Variants in CCDC91 observed in about 807,000 individuals in gnomAD.
CCDC91 encodes the protein coiled-coil domain containing 91.
In CCDC91, 48 loss-of-function variants were observed where a neutral mutation model predicts 63.2. The ratio of observed to expected loss-of-function variants is 0.76; its 90% CI spans 0.60 to 0.97. The LOEUF (loss-of-function observed/expected upper bound fraction) is 0.97, where lower values mean the gene tolerates loss of function less well. Ranked by LOEUF, CCDC91 falls within the 50% of genes least tolerant of loss-of-function variation. CCDC91 has a pLI of 0.00. For missense variants in CCDC91, 500 were observed against 494.6 expected, an observed-to-expected ratio of 1.01 and a Z score of -0.10; for synonymous variants, 167 against 165.8, an observed-to-expected ratio of 1.01 and a Z score of -0.06.
At chr12:28,337,194 A>G (rs536720447) in intron 6 of CCDC91, among the ~76,000 whole-genome samples, 4 of 152,240 alleles carry the variant, frequency 2.6e-5, no homozygotes, top group African/African-American at 9.6e-5. Flanking sequence ...TGTTCCTAGG[A>G]GATAAGTTAT....
At chr12:28,374,634 AATCATGTG>A (rs1488500232) in intron 7 of CCDC91, among the ~76,000 whole-genome samples, 1 of 152,154 alleles carries the variant, frequency 6.6e-6, no homozygotes, top group Non-Finnish European at 1.5e-5. Flanking sequence ...AAAGCTCCCA[AATCATGTG>A]ATCAGCTGTT....
chr12:28,390,035 C>G (rs184051167), intron 7 of CCDC91, among the ~76,000 whole-genome samples: 324 of 152,178 alleles, frequency 2.1e-3, no homozygotes, highest in Non-Finnish European at 3.5e-3. Context: ...TGATAAAACT[C>G]AGAGCTTTAT....
chr12:28,407,330 G>C (rs769354434), intron 8 of CCDC91, among the ~76,000 whole-genome samples: 3 of 152,108 alleles, frequency 2.0e-5, no homozygotes, highest in African/African-American at 7.2e-5. Flanking sequence ...AAAATCAATC[G>C]ACCATATATA....
intron 12 of CCDC91, among the ~76,000 whole-genome samples, chr12:28,514,476 TTTTG>T (rs947904320): frequency 6.6e-6 from 1 of 151,622 alleles, no homozygotes; most frequent in African/African-American, 2.4e-5. Context: ...TTGTTTTTTG[TTTTG>T]TTTTAGTTTA....
chr12:28,371,859 T>C (rs963913219), intron 7 of CCDC91, among the ~76,000 whole-genome samples: 3 of 152,234 alleles, frequency 2.0e-5, no homozygotes, highest in East Asian at 1.9e-4. Flanking sequence ...TCACTACCTT[T>C]ACTGGCATGC....
chr12:28,396,050 A>G lies in CCDC91; in HGVS notation c.762+4639A>G, dbSNP rs142747217. Among the ~76,000 whole-genome samples the G allele has an allele frequency of 4.2e-3, 643 of 152,272 alleles. 4 individuals carry two copies. The highest frequency in any genetic ancestry group is 0.021 in the South Asian group (99 of 4,822). ...ACAGATGATATAATTTTAAAATCATATAAGTTAGGATGGAATAAATAGTAA... is the reference window on the plus strand; with the variant it reads ...ACAGATGATATAATTTTAAAATCATGTAAGTTAGGATGGAATAAATAGTAA... On this transcript the variant is annotated intron_variant, in intron 8 of 12. Transcript: ENST00000536442.
chr12:28,359,249 A>G (rs1404970622), intron 6 of CCDC91, among the ~76,000 whole-genome samples: 2 of 152,238 alleles, frequency 1.3e-5, no homozygotes, highest in Non-Finnish European at 2.9e-5. Flanking sequence ...TCGATATTGA[A>G]TGATTACACT....
At chr12:28,305,353 A>C (rs1451146342) in intron 3 of CCDC91, among the ~76,000 whole-genome samples, 8 of 152,062 alleles carry the variant, frequency 5.3e-5, no homozygotes. Context: ...TCTATGTTGG[A>C]AATGTACTCC....
At chr12:28,304,886 C>A (rs913318940) in intron 3 of CCDC91, among the ~76,000 whole-genome samples, 1 of 152,014 alleles carries the variant, frequency 6.6e-6, no homozygotes, top group Non-Finnish European at 1.5e-5. Flanking sequence ...TACTTTTGTC[C>A]TATGTCATAC....
chr12:28,192,530 A>T (rs937940198), intron 1 of CCDC91, among the ~76,000 whole-genome samples: 6 of 152,180 alleles, frequency 3.9e-5, no homozygotes, highest in African/African-American at 1.4e-4. Context: ...TTCTGTCCAA[A>T]CAATGAGAAC....
intron 7 of CCDC91, among the ~76,000 whole-genome samples, chr12:28,364,410 C>G: frequency 6.6e-6 from 1 of 151,958 alleles, no homozygotes; most frequent in Middle Eastern, 3.2e-3. Context: ...AAACAAAAAA[C>G]AAAGTCTGAT....
chr12:28,254,263 T>C (rs1946299567), intron 1 of CCDC91, among the ~76,000 whole-genome samples: 3 of 152,206 alleles, frequency 2.0e-5, no homozygotes, highest in Admixed American at 2.0e-4. Context: ...TAATGAAGTA[T>C]ACACCTGTCT....
chr12:28,260,210 A>G (rs1359719175), intron 3 of CCDC91, among the ~76,000 whole-genome samples: 5 of 152,008 alleles, frequency 3.3e-5, no homozygotes, highest in Non-Finnish European at 7.4e-5. Flanking sequence ...GGGAAGAATG[A>G]TGATTTTATC....
chr12:28,197,211 C>A (rs11049442), intron 1 of CCDC91, among the ~76,000 whole-genome samples: 39,654 of 151,770 alleles, frequency 0.26, 5,442 homozygotes, highest in Non-Finnish European at 0.31. Flanking sequence ...GTATCATTGG[C>A]TTTTTGGGCA....
chr12:28,511,047 A>G (rs1258434305), intron 12 of CCDC91, among the ~76,000 whole-genome samples: 1 of 151,932 alleles, frequency 6.6e-6, no homozygotes, highest in East Asian at 1.9e-4. Context: ...TGTGTACTTC[A>G]TAATAATTCT....
intron 8 of CCDC91, among the ~76,000 whole-genome samples, chr12:28,434,390 G>T (rs547182729): frequency 6.6e-6 from 1 of 150,902 alleles, no homozygotes; most frequent in South Asian, 2.1e-4. Flanking sequence ...TTCCTCTTTA[G>T]CTGTCCATGT....
intron 7 of CCDC91, among the ~76,000 whole-genome samples, chr12:28,378,258 C>G (rs1945070651): frequency 6.6e-6 from 1 of 152,034 alleles, no homozygotes. Context: ...ATGCTAAATA[C>G]TTTTTGTTAA....
intron 11 of CCDC91, among the ~76,000 whole-genome samples, chr12:28,466,038 C>T (rs1407919609): frequency 2.0e-5 from 3 of 151,706 alleles, no homozygotes; most frequent in Non-Finnish European, 2.9e-5. Flanking sequence ...CTGAAGAATG[C>T]ATCAGAGCCT....
At chr12:28,291,593 T>C (rs145072273) in intron 3 of CCDC91, among the ~76,000 whole-genome samples, 7 of 152,334 alleles carry the variant, frequency 4.6e-5, no homozygotes, top group African/African-American at 1.7e-4. Flanking sequence ...GGAAGTACTT[T>C]GGAGCTTCTT....
Sources: allele counts gnomAD v4.1 joint callset (sites outside exome capture counted in the v4.1 genomes callset), GRCh38; gene constraint gnomAD v4.1.1; transcripts MANE v1.5; gene names NCBI Gene and HGNC (gene_info 2026-07-23, HGNC 2026-07-21).